ITGB5: variants seen among roughly 807,000 people sequenced by gnomAD.
ITGB5 encodes the protein integrin beta-5.
ITGB5 carries 38 observed loss-of-function variants against 84.8 expected under a neutral mutation model. That is an observed-to-expected ratio of 0.45 (90% CI 0.35 to 0.59). The LOEUF is 0.59. ITGB5 is among the 20% of genes least tolerant of loss of function. ITGB5 has a pLI of 0.01. For synonymous variants in ITGB5, 393 were observed against 414.4 expected, an observed-to-expected ratio of 0.95 and a Z score of 0.63; for missense variants, 905 against 1,034.5, an observed-to-expected ratio of 0.87 and a Z score of 1.72.
chr3:124,849,740 C>T lies in ITGB5; in HGVS notation c.362-1182G>A, dbSNP rs2065127176. Among the ~76,000 whole-genome samples, 2 of 152,066 alleles carry T rather than the reference C, an allele frequency of 1.3e-5. 1 individual carries two copies. The highest frequency in any genetic ancestry group is 4.2e-4 in the South Asian group (2 of 4,806). On this transcript the variant is annotated intron_variant, in intron 3 of 14. Coordinates refer to ENST00000296181, the MANE Select transcript of ITGB5 (RefSeq NM_002213.5). ...TAGTGTCTGGCAGGTGTGGCCTTTT[C>T]TGTCTCACCCTATAGAGTTCAAAGA...
At chr3:124,867,938 C>T (rs534971507) in intron 2 of ITGB5, among the ~76,000 whole-genome samples, 3 of 152,286 alleles carry the variant, frequency 2.0e-5, no homozygotes, top group African/African-American at 7.2e-5. Context: ...TCCCATAATC[C>T]TCACATATCA....
intron 1 of ITGB5, among the ~76,000 whole-genome samples, chr3:124,900,636 C>T (rs62267668): frequency 0.22 from 33,265 of 152,008 alleles, 3,800 homozygotes; most frequent in South Asian, 0.26. Context: ...AGGGCTCTCC[C>T]CAACCTAATC....
At chr3:124,851,720 TAAGA>T (rs2045876920) in intron 3 of ITGB5, among the ~76,000 whole-genome samples, 2 of 152,030 alleles carry the variant, frequency 1.3e-5, no homozygotes. Flanking sequence ...GAGAGGGATG[TAAGA>T]AAGATGGTAA....
At chr3:124,848,169 T>C (rs2107603149) in intron 4 of ITGB5, 140 bp downstream of exon 4, 1 of 889,620 alleles carries the variant, frequency 1.1e-6, no homozygotes, top group South Asian at 1.6e-5. Flanking sequence ...AATGTATGCT[T>C]ATCATTAATC....
At chr3:124,769,227 C>T (rs2063808270) in intron 11 of ITGB5, 114 bp from the exon 12 acceptor site, 1 of 738,148 alleles carries the variant, frequency 1.4e-6, no homozygotes, top group African/African-American at 1.7e-5. Flanking sequence ...TTTCCAGCTG[C>T]AGATGTTCAG....
intron 9 of ITGB5, among the ~76,000 whole-genome samples, chr3:124,798,882 A>C (rs897919374): frequency 6.6e-6 from 1 of 152,230 alleles, no homozygotes; most frequent in Non-Finnish European, 1.5e-5. Flanking sequence ...ACTGAGCAGG[A>C]GGATAGATCC....
chr3:124,852,593 C>T, intron 3 of ITGB5, among the ~76,000 whole-genome samples: 1 of 152,204 alleles, frequency 6.6e-6, no homozygotes, highest in South Asian at 2.1e-4. Context: ...CTTCTCTTTG[C>T]CTTCCCTTTA....
At chr3:124,885,893 C>T (rs866080219) in intron 1 of ITGB5, among the ~76,000 whole-genome samples, 1 of 152,224 alleles carries the variant, frequency 6.6e-6, no homozygotes, top group Admixed American at 6.5e-5. Context: ...AATGAGACAC[C>T]GTGGGGGAAC....
At chr3:124,845,039 G>C (rs1447650158) in intron 4 of ITGB5, among the ~76,000 whole-genome samples, 2 of 152,200 alleles carry the variant, frequency 1.3e-5, no homozygotes, top group East Asian at 3.8e-4. Flanking sequence ...TAAATTGCAT[G>C]AAAAACAATT....
intron 10 of ITGB5, among the ~76,000 whole-genome samples, chr3:124,779,615 G>C (rs1462992715): frequency 3.3e-5 from 5 of 152,164 alleles, no homozygotes; most frequent in African/African-American, 1.2e-4. Flanking sequence ...CAGGGATTCT[G>C]GAATCAGGCT....
In ITGB5 at chr3:124,841,629, G is replaced by A. The variant is rs753385215; in HGVS notation, c.612-78C>T. On this transcript the variant is annotated intron_variant, in intron 4 of 14. Coordinates refer to ENST00000296181, the MANE Select transcript of ITGB5 (RefSeq NM_002213.5). ...ACCAAGTGTTCTGAGCATTCACTGA[G>A]TGCCTTGAGAGGCACCAATAACTAT... 6.2e-5 allele frequency: 91 copies of A among 1,461,702 alleles called. No homozygotes were observed. The East Asian group carries it at 7.5e-4, about 12-fold the overall frequency. 90.5% of individuals were successfully genotyped at this position (1,461,702 alleles called of 1,614,324 possible).
At chr3:124,827,604 G>A (rs865915045) in intron 5 of ITGB5, among the ~76,000 whole-genome samples, 3 of 152,148 alleles carry the variant, frequency 2.0e-5, no homozygotes, top group African/African-American at 4.8e-5. Flanking sequence ...TGTAGAGACC[G>A]GAACCCTCAC....
In ITGB5 at chr3:124,845,900, A is replaced by G. The variant is rs190796826; in HGVS notation, c.611+2409T>C. ...GCTCCTGGTAAGCAGCAAAATTTCA[A>G]CAAAAACATTTGACACCCAGACTTA... is the stretch of plus-strand genomic sequence containing the variant. On this transcript the variant is annotated intron_variant, in intron 4 of 14. Coordinates refer to ENST00000296181, the MANE Select transcript of ITGB5 (RefSeq NM_002213.5). Among the ~76,000 whole-genome samples, 9 of 152,328 alleles carry G rather than the reference A, an allele frequency of 5.9e-5. No individual in the cohort carries two copies. In the East Asian group the frequency reaches 9.7e-4, roughly 16 times the overall value.
chr3:124,837,931 A>G (rs2064958785), intron 5 of ITGB5, among the ~76,000 whole-genome samples: 1 of 152,212 alleles, frequency 6.6e-6, no homozygotes, highest in Non-Finnish European at 1.5e-5. Context: ...AGCCAACTGC[A>G]CAAGATTCCA....
Position 124,763,384 on chromosome 3 carries a change from C to T in ITGB5, c.*239G>A, listed in dbSNP as rs2063720189. The stretch of plus-strand genomic sequence containing the variant: ...CAGGGAAAGCTGAGAGCGCCAAGGT[C>T]CCCTTGCTTTATCCCAAGCTCGGAG... On this transcript the variant is annotated 3_prime_UTR_variant, in exon 15 of 15. Transcript: ENST00000296181. 1 of 360,792 alleles carries T rather than the reference C, an allele frequency of 2.8e-6. No individual in the cohort carries two copies. Among genetic ancestry groups the T allele is most frequent in the South Asian group, 4.4e-5 (1 of 22,536 alleles). 22.3% of individuals were successfully genotyped at this position (360,792 alleles called of 1,614,324 possible).
intron 7 of ITGB5, among the ~76,000 whole-genome samples, chr3:124,817,957 TTC>T (rs2064632233): frequency 6.6e-6 from 1 of 152,100 alleles, no homozygotes; most frequent in Non-Finnish European, 1.5e-5. Flanking sequence ...CACAAGATCT[TTC>T]TCTAAAAGAT....
At position 124,788,410 on chromosome 3, in the gene ITGB5, C is replaced by T. The variant is rs929910477; in HGVS notation, c.1693+7978G>A. 5.3e-5 allele frequency among the ~76,000 whole-genome samples: 8 copies of T among 152,174 alleles called. No homozygotes were observed. In the East Asian group the frequency reaches 7.7e-4, roughly 15 times the overall value. On this transcript the variant is annotated intron_variant, in intron 10 of 14. Coordinates refer to ENST00000296181, the MANE Select transcript of ITGB5 (RefSeq NM_002213.5). ...GAAACATCTCTGTGCTGGTTACTGC[C>T]ATGGTTTCTGGCAGCTCTGCCTGTG...
At chr3:124,813,170 G>T (rs1579237351) in intron 8 of ITGB5, among the ~76,000 whole-genome samples, 1 of 152,206 alleles carries the variant, frequency 6.6e-6, no homozygotes, top group East Asian at 1.9e-4. Flanking sequence ...AAGTCCAAGT[G>T]CAAGGAGCTT....
chr3:124,776,840 G>A (rs534769612), intron 10 of ITGB5, among the ~76,000 whole-genome samples: 14 of 152,214 alleles, frequency 9.2e-5, no homozygotes, highest in Admixed American at 5.2e-4. Flanking sequence ...ACAATATGCC[G>A]AAGTGTCAAA....
Sources: allele counts gnomAD v4.1 joint callset (sites outside exome capture counted in the v4.1 genomes callset), GRCh38; gene constraint gnomAD v4.1.1; transcripts MANE v1.5; gene names NCBI Gene and HGNC (gene_info 2026-07-23, HGNC 2026-07-21).